MYRIP: variants seen among roughly 807,000 people sequenced by gnomAD.
MYRIP encodes rab effector MyRIP.
Under a neutral mutation model 98.0 loss-of-function variants are expected in MYRIP, and 49 were observed. That is an observed-to-expected ratio of 0.50 (90% CI 0.40 to 0.63). The LOEUF (loss-of-function observed/expected upper bound fraction) is 0.63, where lower values mean the gene tolerates loss of function less well. Ranked by LOEUF, MYRIP falls within the 30% of genes least tolerant of loss-of-function variation. The pLI, the probability that MYRIP is intolerant of heterozygous loss-of-function variation, is 0.00. For synonymous variants in MYRIP, 404 were observed against 409.5 expected, an observed-to-expected ratio of 0.99 and a Z score of 0.16; for missense variants, 1,004 against 1,058.2, an observed-to-expected ratio of 0.95 and a Z score of 0.71.
At chr3:40,187,133 C>CTAATGCTA (rs879939519) in intron 9 of MYRIP, among the ~76,000 whole-genome samples, 29 of 152,296 alleles carry the variant, frequency 1.9e-4, no homozygotes, top group Admixed American at 1.0e-3. Context: ...GTGTTAAGTA[C>CTAATGCTA]TAATGCTAAA....
intron 2 of MYRIP, among the ~76,000 whole-genome samples, chr3:39,988,333 A>T (rs556416002): frequency 6.6e-6 from 1 of 152,130 alleles, no homozygotes; most frequent in African/African-American, 2.4e-5. Flanking sequence ...AAGATTGTTG[A>T]ATATTGGCCC....
chr3:40,054,670 AC>A (rs1461794184), intron 3 of MYRIP, among the ~76,000 whole-genome samples: 1 of 151,844 alleles, frequency 6.6e-6, no homozygotes, highest in Non-Finnish European at 1.5e-5. Context: ...TGCAACATCC[AC>A]TCTTCCCTGG....
At chr3:40,068,919 C>G (rs1948172071) in intron 3 of MYRIP, among the ~76,000 whole-genome samples, 1 of 152,228 alleles carries the variant, frequency 6.6e-6, no homozygotes, top group Non-Finnish European at 1.5e-5. Flanking sequence ...TTTGTGGACA[C>G]TGGGCTTGAA....
intron 2 of MYRIP, among the ~76,000 whole-genome samples, chr3:39,953,346 AT>A (rs1198925938): frequency 6.6e-6 from 1 of 151,870 alleles, no homozygotes; most frequent in Non-Finnish European, 1.5e-5. Flanking sequence ...ATTTTTGATA[AT>A]TTTTTCTAGT....
At chr3:40,112,655 G>A (rs989616022) in intron 3 of MYRIP, among the ~76,000 whole-genome samples, 4 of 152,180 alleles carry the variant, frequency 2.6e-5, no homozygotes, top group African/African-American at 9.7e-5. Context: ...TCAGAGGAGA[G>A]GGTTGACATA....
intron 1 of MYRIP, among the ~76,000 whole-genome samples, chr3:39,829,934 A>G (rs1478837797): frequency 6.6e-6 from 1 of 152,040 alleles, no homozygotes; most frequent in African/African-American, 2.4e-5. Flanking sequence ...TGCTCAAATT[A>G]TCTCTCCTCC....
intron 2 of MYRIP, among the ~76,000 whole-genome samples, chr3:39,963,074 C>T (rs1476509508): frequency 5.3e-5 from 8 of 151,962 alleles, no homozygotes; most frequent in East Asian, 3.9e-4. Flanking sequence ...GTTATAGAAA[C>T]GTAAACAGAA....
At chr3:39,932,789 G>A (rs1465577235) in intron 2 of MYRIP, among the ~76,000 whole-genome samples, 1 of 152,140 alleles carries the variant, frequency 6.6e-6, no homozygotes, top group Admixed American at 6.5e-5. Flanking sequence ...TAGCATTGAG[G>A]CTGCTTTCTA....
At chr3:39,970,133 A>G (rs904427813) in intron 2 of MYRIP, 5 of 152,048 alleles carry the variant, frequency 3.3e-5, no homozygotes, top group Admixed American at 2.6e-4. Flanking sequence ...GGAGCTTCAC[A>G]CAGTGGCAAT....
intron 2 of MYRIP, among the ~76,000 whole-genome samples, chr3:39,974,967 C>A (rs894789249): frequency 6.6e-6 from 1 of 152,146 alleles, no homozygotes; most frequent in Non-Finnish European, 1.5e-5. Flanking sequence ...TAGAAGCATT[C>A]CCTTAGAAAA....
At chr3:40,200,021 C>T (rs957553581) in intron 10 of MYRIP, among the ~76,000 whole-genome samples, 3 of 151,380 alleles carry the variant, frequency 2.0e-5, no homozygotes, top group African/African-American at 7.3e-5. Flanking sequence ...AACTGATTCC[C>T]CTGGAGAAAA....
Position 40,070,086 on chromosome 3 carries a change from A to G in MYRIP, c.332+25815A>G, listed in dbSNP as rs572600247. The stretch of plus-strand genomic sequence containing the variant: ...AATGCACCCTGCTGTGAATGACACA[A>G]TTTCAGACATTGGACCACACATTTA... On this transcript the variant is annotated intron_variant, in intron 3 of 16. Transcript: ENST00000302541. Among the ~76,000 whole-genome samples the G allele has an allele frequency of 1.2e-3, 178 of 152,332 alleles. 2 individuals carry two copies. In the South Asian group the frequency reaches 0.034, roughly 29 times the overall value.
rs113154758 is a variant in MYRIP, at chr3:39,927,354, G to C, written c.110+26428G>C. 4.2e-3 allele frequency among the ~76,000 whole-genome samples: 632 copies of C among 151,958 alleles called. 4 individuals are homozygous for C. The highest frequency in any genetic ancestry group is 0.031 in the Middle Eastern group (9 of 294). Reference sequence around the variant, plus strand: ...CTGATTGCTCTGGCTAGGGCTTCTAGTACCATGTTGAATAGGACTGATGAG... The same window carrying C: ...CTGATTGCTCTGGCTAGGGCTTCTACTACCATGTTGAATAGGACTGATGAG... On this transcript the variant is annotated intron_variant, in intron 2 of 16. Coordinates refer to ENST00000302541, the MANE Select transcript of MYRIP (RefSeq NM_015460.4).
Position 40,166,962 on chromosome 3 carries a change from C to A in MYRIP, c.648+19C>A, listed in dbSNP as rs1203737872. 4.4e-6 allele frequency: 7 copies of A among 1,587,440 alleles called. No homozygotes were observed. In the South Asian group the frequency reaches 7.7e-5, roughly 18 times the overall value. On this transcript the variant is annotated intron_variant, in intron 6 of 16. Transcript: ENST00000302541. ...CAGCCTGGTAGGGCCCCTCCTGCTC[C>A]TCTCTGTGGGGGGAGGTGTGGGTTG...
intron 3 of MYRIP, among the ~76,000 whole-genome samples, chr3:40,121,138 C>T (rs1949396014): frequency 6.6e-6 from 1 of 152,110 alleles, no homozygotes. Flanking sequence ...CTAGGCGGGT[C>T]CCACTGAGGC....
At position 40,251,867 on chromosome 3, in the gene MYRIP, T is replaced by A. The variant is rs1272580935; in HGVS notation, c.2429-14T>A. 2 of 1,558,346 alleles carry A rather than the reference T, an allele frequency of 1.3e-6. No homozygotes were observed. The highest frequency in any genetic ancestry group is 1.8e-6 in the Non-Finnish European group (2 of 1,129,430). ...TCTTCTGGGTAACATTTTTTCCCAT[T>A]TATTTCCTTTTAGCTGAAAAAATTG... On this transcript the variant is annotated splice_polypyrimidine_tract_variant and intron_variant, in intron 15 of 16. Coordinates refer to ENST00000302541, the MANE Select transcript of MYRIP (RefSeq NM_015460.4).
chr3:39,969,571 T>G (rs1014712440), intron 2 of MYRIP, among the ~76,000 whole-genome samples: 2 of 152,172 alleles, frequency 1.3e-5, no homozygotes, highest in Admixed American at 1.3e-4. Flanking sequence ...CTGGGTCTAT[T>G]GAGATAATCA....
chr3:40,090,302 A>C (rs1191123816), intron 3 of MYRIP, among the ~76,000 whole-genome samples: 1 of 152,014 alleles, frequency 6.6e-6, no homozygotes, highest in Admixed American at 6.6e-5. Context: ...AAATTCACCA[A>C]AGTTGTGAAG....
intron 3 of MYRIP, among the ~76,000 whole-genome samples, chr3:40,109,381 T>A (rs1247610365): frequency 1.3e-5 from 2 of 152,112 alleles, no homozygotes; most frequent in Admixed American, 1.3e-4. Context: ...GCTAAGAAGG[T>A]GCCAGTTAAG....
Sources: allele counts gnomAD v4.1 joint callset (sites outside exome capture counted in the v4.1 genomes callset), GRCh38; gene constraint gnomAD v4.1.1; transcripts MANE v1.5; gene names NCBI Gene and HGNC (gene_info 2026-07-23, HGNC 2026-07-21).